The following NLGN1 variants were observed in gnomAD, a reference collection of about 807,000 sequenced individuals.
NLGN1 encodes the protein neuroligin-1.
A neutral mutation model predicts 65.5 loss-of-function variants in NLGN1; 12 were observed. The ratio of observed to expected loss-of-function variants is 0.18; its 90% confidence interval spans 0.12 to 0.30. NLGN1 has a LOEUF of 0.30. NLGN1 is among the 10% of genes least tolerant of loss of function. NLGN1 has a pLI of 1.00. For missense variants in NLGN1, 750 were observed against 1,007.1 expected (o/e 0.74, Z 3.46); for synonymous variants, 350 against 359.5 (o/e 0.97, Z 0.30).
chr3:173,764,445 C>G (rs985385228), intron 3 of NLGN1, among the ~76,000 whole-genome samples: 10 of 152,112 alleles, frequency 6.6e-5, no homozygotes, highest in African/African-American at 2.4e-4. Context: ...GAAGCAGAAT[C>G]AAAAAGAACA....
At chr3:173,452,036 G>C (rs1721650250) in intron 2 of NLGN1, among the ~76,000 whole-genome samples, 1 of 152,160 alleles carries the variant, frequency 6.6e-6, no homozygotes, top group East Asian at 1.9e-4. Flanking sequence ...CCCTGCTTCG[G>C]CTCACGCACA....
chr3:173,647,275 G>A (rs1281536387), intron 3 of NLGN1, among the ~76,000 whole-genome samples: 2 of 151,874 alleles, frequency 1.3e-5, no homozygotes, highest in Non-Finnish European at 2.9e-5. Flanking sequence ...TTCTGTAATT[G>A]ATAGAATCAG....
intron 2 of NLGN1, among the ~76,000 whole-genome samples, chr3:173,561,014 G>T (rs968561337): frequency 1.6e-4 from 24 of 152,154 alleles, no homozygotes; most frequent in African/African-American, 4.6e-4. Flanking sequence ...TCATACAGCG[G>T]GGTTTGTATT....
At chr3:173,629,325 A>T (rs1256162626) in intron 3 of NLGN1, among the ~76,000 whole-genome samples, 1 of 152,044 alleles carries the variant, frequency 6.6e-6, no homozygotes, top group African/African-American at 2.4e-5. Flanking sequence ...TATGTTGCCC[A>T]GGCTGGTATT....
chr3:173,597,129 T>C (rs1199082382), intron 2 of NLGN1, among the ~76,000 whole-genome samples: 3 of 152,208 alleles, frequency 2.0e-5, no homozygotes, highest in Non-Finnish European at 2.9e-5. Context: ...CTCTCCTCAG[T>C]TCCTCAACCT....
chr3:173,862,188 C>T (rs1729241234), intron 4 of NLGN1, among the ~76,000 whole-genome samples: 1 of 152,022 alleles, frequency 6.6e-6, no homozygotes, highest in African/African-American at 2.4e-5. Flanking sequence ...CAATAACTAA[C>T]TACATCTACA....
chr3:173,878,262 G>A (rs1032817984), intron 4 of NLGN1, among the ~76,000 whole-genome samples: 1 of 152,032 alleles, frequency 6.6e-6, no homozygotes, highest in Non-Finnish European at 1.5e-5. Context: ...GGCTGGTCTC[G>A]AACTTCTGAC....
At chr3:174,212,040 G>A (rs1268507714) in intron 4 of NLGN1, among the ~76,000 whole-genome samples, 3 of 152,170 alleles carry the variant, frequency 2.0e-5, no homozygotes, top group African/African-American at 7.2e-5. Context: ...TCGCCCGGGA[G>A]GCTCGGGCTG....
chr3:173,535,156 T>C (rs978468690), intron 2 of NLGN1, among the ~76,000 whole-genome samples: 2 of 152,176 alleles, frequency 1.3e-5, no homozygotes, highest in Non-Finnish European at 2.9e-5. Flanking sequence ...TTCAGGCATA[T>C]GGTTAGTCCA....
chr3:174,289,746 GTAAACATCTCTCTTA>G (rs1442879951), downstream of NLGN1, among the ~76,000 whole-genome samples: 2 of 150,556 alleles, frequency 1.3e-5, no homozygotes, highest in Non-Finnish European at 3.0e-5. Flanking sequence ...AAAGTGAAAA[GTAAACATCTCTCTTA>G]CTACAGATTC....
intron 4 of NLGN1, among the ~76,000 whole-genome samples, chr3:174,262,518 G>A (rs1224121160): frequency 7.8e-6 from 1 of 128,484 alleles, no homozygotes; most frequent in Non-Finnish European, 1.6e-5. Context: ...ATTTCTGTGG[G>A]ATCGGTGGTG....
At chr3:173,893,891 T>C (rs1285286003) in intron 4 of NLGN1, among the ~76,000 whole-genome samples, 6 of 152,228 alleles carry the variant, frequency 3.9e-5, no homozygotes, top group African/African-American at 4.8e-5. Flanking sequence ...TGAATACTTA[T>C]GTTACAACAT....
At chr3:173,704,299 G>A (rs989806) in intron 3 of NLGN1, among the ~76,000 whole-genome samples, 76,143 of 151,890 alleles carry the variant, frequency 0.5, 20,180 homozygotes, top group East Asian at 0.73. Context: ...TAAGTGACAT[G>A]GTAGTTTCGT....
chr3:174,145,327 A>G (rs1723006377), intron 4 of NLGN1, among the ~76,000 whole-genome samples: 1 of 152,118 alleles, frequency 6.6e-6, no homozygotes, highest in African/African-American at 2.4e-5. Context: ...ATCCTGGCCA[A>G]CATGATGAAA....
At chr3:173,876,227 C>T (rs1229676137) in intron 4 of NLGN1, among the ~76,000 whole-genome samples, 1 of 152,084 alleles carries the variant, frequency 6.6e-6, no homozygotes, top group Admixed American at 6.6e-5. Flanking sequence ...TTTGACAGTG[C>T]ATTTGTGGTG....
chr3:174,272,718 TAGAA>T lies in NLGN1; in HGVS notation c.647-2593_647-2590del, dbSNP rs1279925857. ...AGATAGATAGATAGATATAGATAGA[TAGAA>T]AGATAGATAGATGATAGATAACATA... On this transcript the variant is annotated intron_variant, in intron 4 of 6. Coordinates refer to ENST00000457714, the Ensembl canonical transcript of NLGN1. Among the ~76,000 whole-genome samples the T allele has an allele frequency of 6.6e-5, 10 of 150,728 alleles. No individual in the cohort carries two copies. The South Asian group carries it at 1.0e-3, about 16-fold the overall frequency.
intron 4 of NLGN1, among the ~76,000 whole-genome samples, chr3:174,111,074 A>G (rs1715117231): frequency 6.6e-6 from 1 of 152,014 alleles, no homozygotes. Flanking sequence ...CACTGTATTT[A>G]AGTAATTATT....
rs190663188 is a variant in NLGN1 at position 173,918,605 on chromosome 3, C to G, written c.646+110773C>G. ...CTGAAACCACACCATTGCACTCCAG[C>G]CTGGGTGACAGTGAGACTCCATCTC... On this transcript the variant is annotated intron_variant, in intron 4 of 6. Transcript: ENST00000457714. 3.5e-5 allele frequency among the ~76,000 whole-genome samples: 5 copies of G among 144,356 alleles called. No individual in the cohort carries two copies. In the East Asian group the frequency reaches 1.0e-3, roughly 29 times the overall value. 94.7% of individuals were successfully genotyped at this position (144,356 alleles called of 152,430 possible). A position where few individuals can be genotyped will look rare whatever the true frequency, so the allele number is the denominator to read the frequency against.
intron 4 of NLGN1, among the ~76,000 whole-genome samples, chr3:173,858,587 A>G (rs575417537): frequency 6.6e-6 from 1 of 152,074 alleles, no homozygotes; most frequent in Non-Finnish European, 1.5e-5. Context: ...CATGATTTCT[A>G]TCCTTGCTTA....
Sources: gnomAD v4.1 joint callset for allele counts (sites outside exome capture counted in the v4.1 genomes callset) on GRCh38, gnomAD v4.1.1 for gene constraint, MANE v1.5 for transcripts, NCBI Gene and HGNC (gene_info 2026-07-23, HGNC 2026-07-21) for gene names.